NAB1: variants seen among roughly 807,000 people sequenced by gnomAD.
The protein encoded by NAB1 is NGFI-A-binding protein 1.
NAB1 carries 25 observed loss-of-function variants against 49.9 expected under a neutral mutation model. The ratio of observed to expected loss-of-function variants is 0.50; its 90% CI spans 0.37 to 0.70. NAB1 has a LOEUF of 0.70. Ranked by LOEUF, NAB1 falls within the 30% of genes least tolerant of loss-of-function variation. NAB1 has a pLI of 0.00. For synonymous variants in NAB1, 198 were observed against 215.6 expected (o/e 0.92, Z 0.71); for missense variants, 489 against 575.9 (o/e 0.85, Z 1.54).
Position 190,659,673 on chromosome 2 carries a change from C to T in NAB1, c.497C>T (p.Ala166Val). 1.2e-6 allele frequency: 2 copies of T among 1,613,812 alleles called. No homozygotes were observed. Among genetic ancestry groups the T allele is most frequent in the Non-Finnish European group, 1.7e-6 (2 of 1,180,010 alleles). The change falls in exon 4 of 10, where the codon GCC (alanine) becomes GTC (valine). Residue 166 changes from alanine to valine, a missense_variant. This residue lies in a region of NAB1 where 204 missense variants were observed against 220.9 expected (regional missense o/e 0.92). Transcript: ENST00000337386. The surrounding 1 kb of genome is among the most constrained non-coding windows in gnomAD (Gnocchi z 6.2). The part of the protein sequence containing the change: ...GESRLWQGHH[A>V]TESEHSLSPA... ...TCCAGACTCTGGCAAGGCCACCATG[C>T]CACTGAGAGCGAGCACAGCCTCTCC...
In NAB1 at chr2:190,673,353, A is replaced by C. The variant is rs1374027977; in HGVS notation, c.1005+201A>C. On this transcript the variant is annotated intron_variant, in intron 6 of 9. Coordinates refer to ENST00000337386, the MANE Select transcript of NAB1 (RefSeq NM_005966.4). ...TAATTTGAATTAGCAGACCAAGGAA[A>C]ATTTTTTTAAACTTTTTTTTCATGT... is the stretch of plus-strand genomic sequence containing the variant. 5.1e-6 allele frequency: 3 copies of C among 583,290 alleles called. No individual in the cohort carries two copies. The Admixed American group carries it at 9.1e-5, about 18-fold the overall frequency. 36.1% of individuals were successfully genotyped at this position (583,290 alleles called of 1,614,324 possible). A position where few individuals can be genotyped will look rare whatever the true frequency, so the allele number is the denominator to read the frequency against.
chr2:190,671,188 A>G (rs778758818), intron 5 of NAB1, among the ~76,000 whole-genome samples: 16 of 152,116 alleles, frequency 1.1e-4, no homozygotes, highest in Non-Finnish European at 1.8e-4. Flanking sequence ...GAGTAACTCT[A>G]AGTTTTTGTT....
In NAB1 at chr2:190,689,326, C is replaced by A. The variant is rs1695798144; in HGVS notation, c.1376-919C>A. Among the ~76,000 whole-genome samples the A allele has an allele frequency of 6.6e-6, 1 of 152,094 alleles. No homozygotes were observed. The highest frequency in any genetic ancestry group is 1.5e-5 in the Non-Finnish European group (1 of 68,008). ...TAGGAGGATTAAACAAGATAGTGTACCTGCATCGTACACTATCTATTCCAG... is the reference window on the plus strand; with the variant it reads ...TAGGAGGATTAAACAAGATAGTGTAACTGCATCGTACACTATCTATTCCAG... On this transcript the variant is annotated intron_variant, in intron 9 of 9. Coordinates refer to ENST00000337386, the MANE Select transcript of NAB1 (RefSeq NM_005966.4). The surrounding 1 kb of genome is among the most constrained non-coding windows in gnomAD (Gnocchi z 4.3).
chr2:190,659,166 CAT>C lies in NAB1; in HGVS notation c.-10_-9del. The C allele has an allele frequency of 1.9e-6, 3 of 1,592,152 alleles. No homozygotes were observed. The highest frequency in any genetic ancestry group is 2.6e-6 in the Non-Finnish European group (3 of 1,167,678). Reference sequence around the variant, plus strand: ...TTTTTTTTTTTTGGCAGGTTAAACCCATCCAGAGTAATGGCTGCGGCCTTACC... The same window carrying C: ...TTTTTTTTTTTTGGCAGGTTAAACCCCCAGAGTAATGGCTGCGGCCTTACC... On this transcript the variant is annotated 5_prime_UTR_variant, in exon 4 of 10. Transcript: ENST00000337386. The surrounding 1 kb of genome is among the most constrained non-coding windows in gnomAD (Gnocchi z 6.2).
Position 190,686,906 on chromosome 2 carries a change from A to C in NAB1, c.1259-295A>C, listed in dbSNP as rs1574482796. Among the ~76,000 whole-genome samples, 1 of 152,128 alleles carries C rather than the reference A, an allele frequency of 6.6e-6. No homozygotes were observed. The highest frequency in any genetic ancestry group is 1.9e-4 in the East Asian group (1 of 5,176). On this transcript the variant is annotated intron_variant, in intron 8 of 9. Transcript: ENST00000337386. This position sits in a 1 kb window ranked among gnomAD's most constrained non-coding sequence, Gnocchi z 5.5. ...GGTTGTTCTAGTAAGAAAATGCCTT[A>C]TAGAGGAGATGTATTATATGCCAAA...
rs1205294961 is a variant in NAB1 at position 190,651,535 on chromosome 2, C to T, written c.-197+1553C>T. 6.6e-6 allele frequency among the ~76,000 whole-genome samples: 1 copy of T among 152,044 alleles called. No individual in the cohort carries two copies. The highest frequency in any genetic ancestry group is 1.5e-5 in the Non-Finnish European group (1 of 67,994). Reference sequence around the variant, plus strand: ...ATTTAAAGTTCAGGTTGGATGAAAACAGAAGTATGTCAGTTTCTAAAGAAA... The same window carrying T: ...ATTTAAAGTTCAGGTTGGATGAAAATAGAAGTATGTCAGTTTCTAAAGAAA... On this transcript the variant is annotated intron_variant, in intron 2 of 9. Coordinates refer to ENST00000337386, the MANE Select transcript of NAB1 (RefSeq NM_005966.4). The surrounding 1 kb of genome is among the most constrained non-coding windows in gnomAD (Gnocchi z 4.3).
In NAB1 at chr2:190,684,939, T is replaced by TTA. The variant is rs1281478713; in HGVS notation, c.1096-537_1096-536insTA. On this transcript the variant is annotated intron_variant, in intron 7 of 9. Transcript: ENST00000337386. This position sits in a 1 kb window ranked among gnomAD's most constrained non-coding sequence, Gnocchi z 4.6. ...TCATGATGAAGGTAAAGATGCTTATTGGCACTGATGTTTTTCTGCATAATT... is the reference window on the plus strand; with the variant it reads ...TCATGATGAAGGTAAAGATGCTTATTTAGGCACTGATGTTTTTCTGCATAATT... 6.6e-6 allele frequency among the ~76,000 whole-genome samples: 1 copy of TTA among 152,242 alleles called. No homozygotes were observed. Among genetic ancestry groups the TTA allele is most frequent in the Non-Finnish European group, 1.5e-5 (1 of 68,040 alleles).
rs1463738672 is a variant in NAB1 at position 190,682,143 on chromosome 2, A to C, written c.1006-1595A>C. 6.6e-6 allele frequency among the ~76,000 whole-genome samples: 1 copy of C among 152,222 alleles called. No individual in the cohort carries two copies. Among genetic ancestry groups the C allele is most frequent in the Non-Finnish European group, 1.5e-5 (1 of 68,032 alleles). ...GGAATACCAAGTATAAAATGGAAGT[A>C]ATTTAAGTTGAAGTTTTATCCAGTG... On this transcript the variant is annotated intron_variant, in intron 6 of 9. Coordinates refer to ENST00000337386, the MANE Select transcript of NAB1 (RefSeq NM_005966.4). This position sits in a 1 kb window ranked among gnomAD's most constrained non-coding sequence, Gnocchi z 4.1.
At chr2:190,660,121 G>T in intron 4 of NAB1, 126 bp downstream of exon 4, 1 of 805,114 alleles carries the variant, frequency 1.2e-6, no homozygotes, top group Middle Eastern at 2.5e-4. Flanking sequence ...AAACATTGAG[G>T]TGTTAGCAAC....
chr2:190,660,001 A>G lies in NAB1; in HGVS notation c.819+6A>G. ...AACATCTCACACTTCATGAGGTACAAAGCCCGCGTTGTTCCTTCTGTGTGT... is the reference window on the plus strand; with the variant it reads ...AACATCTCACACTTCATGAGGTACAGAGCCCGCGTTGTTCCTTCTGTGTGT... On this transcript the variant is annotated splice_donor_region_variant and intron_variant, in intron 4 of 9. Transcript: ENST00000337386. The G allele has an allele frequency of 6.2e-7, 1 of 1,604,702 alleles. No homozygotes were observed. The highest frequency in any genetic ancestry group is 1.1e-5 in the South Asian group (1 of 90,494).
rs1190749559 is a variant in NAB1 at position 190,680,525 on chromosome 2, T to C, written c.1006-3213T>C. On this transcript the variant is annotated intron_variant, in intron 6 of 9. Transcript: ENST00000337386. This position sits in a 1 kb window ranked among gnomAD's most constrained non-coding sequence, Gnocchi z 5.2. ...CCATTTCCCTCCCTGGACTGTGTTG[T>C]CAGGAGCGCCTGAGGCATGGCCATC... 6.6e-6 allele frequency among the ~76,000 whole-genome samples: 1 copy of C among 152,216 alleles called. No individual in the cohort carries two copies. Among genetic ancestry groups the C allele is most frequent in the East Asian group, 1.9e-4 (1 of 5,196 alleles).
rs1451781736 is a variant in NAB1, at chr2:190,657,264, A to C, written c.-20+1111A>C. Among the ~76,000 whole-genome samples, 1 of 152,138 alleles carries C rather than the reference A, an allele frequency of 6.6e-6. No homozygotes were observed. Among genetic ancestry groups the C allele is most frequent in the Non-Finnish European group, 1.5e-5 (1 of 68,022 alleles). On this transcript the variant is annotated intron_variant, in intron 3 of 9. Coordinates refer to ENST00000337386, the MANE Select transcript of NAB1 (RefSeq NM_005966.4). This position sits in a 1 kb window ranked among gnomAD's most constrained non-coding sequence, Gnocchi z 4.4. ...GATAGATTCTCCCTGGAGTGGGAGG[A>C]CAGGCAGAGCCTCCTTTAGGTGATT... is the stretch of plus-strand genomic sequence containing the variant.
chr2:190,655,439 G>C (rs1255601046), intron 2 of NAB1, among the ~76,000 whole-genome samples: 1 of 152,108 alleles, frequency 6.6e-6, no homozygotes, highest in Non-Finnish European at 1.5e-5. Context: ...GAAAAGAGAT[G>C]TAATATAAAA....
rs1695825281 is a variant in NAB1, at chr2:190,689,811, T to C, written c.1376-434T>C. Among the ~76,000 whole-genome samples, 1 of 152,056 alleles carries C rather than the reference T, an allele frequency of 6.6e-6. No homozygotes were observed. The highest frequency in any genetic ancestry group is 1.5e-5 in the Non-Finnish European group (1 of 67,962). On this transcript the variant is annotated intron_variant, in intron 9 of 9. Transcript: ENST00000337386. This position sits in a 1 kb window ranked among gnomAD's most constrained non-coding sequence, Gnocchi z 4.3. ...AATATTTTAACCAGTAACAGTTATTTATGAATAATCAGCTTCCTTTTATAT... is the reference window on the plus strand; with the variant it reads ...AATATTTTAACCAGTAACAGTTATTCATGAATAATCAGCTTCCTTTTATAT...
rs1392177076 is a variant in NAB1 at position 190,686,546 on chromosome 2, C to T, written c.1259-655C>T. Among the ~76,000 whole-genome samples the T allele has an allele frequency of 6.6e-6, 1 of 152,118 alleles. No homozygotes were observed. ...AGTACTGGAAGAGAAGAAAGTTCTT[C>T]CTTTTAAAAATATTACAGGAACCTC... On this transcript the variant is annotated intron_variant, in intron 8 of 9. Transcript: ENST00000337386. This position sits in a 1 kb window ranked among gnomAD's most constrained non-coding sequence, Gnocchi z 5.5.
intron 6 of NAB1, among the ~76,000 whole-genome samples, chr2:190,681,913 G>C (rs908117791): frequency 2.0e-5 from 3 of 152,070 alleles, no homozygotes; most frequent in Non-Finnish European, 2.9e-5. Flanking sequence ...GGTTTTTAAG[G>C]ATTTGCCCTC....
rs2125914588 is a variant in NAB1, at chr2:190,691,937, C to T, written c.*1604C>T. 6.5e-6 allele frequency: 1 copy of T among 152,694 alleles called. No individual in the cohort carries two copies. The highest frequency in any genetic ancestry group is 1.9e-4 in the East Asian group (1 of 5,192). The allele number at this position is 152,694 out of a possible 1,614,324, so 9.5% of individuals were successfully genotyped here. A position where few individuals can be genotyped will look rare whatever the true frequency, so the allele number is the denominator to read the frequency against. On this transcript the variant is annotated 3_prime_UTR_variant, in exon 10 of 10. Coordinates refer to ENST00000337386, the MANE Select transcript of NAB1 (RefSeq NM_005966.4). The surrounding 1 kb of genome is among the most constrained non-coding windows in gnomAD (Gnocchi z 4.1). ...CATTTTAATTTGTAGAAGTACTTTA[C>T]AGTAGGAAACGCCAGTAAACAACTT...
At position 190,676,805 on chromosome 2, in the gene NAB1, A is replaced by G. The variant is rs538477882; in HGVS notation, c.1005+3653A>G. The G allele has an allele frequency of 7.2e-5, 11 of 152,340 alleles. No individual in the cohort carries two copies. The highest frequency in any genetic ancestry group is 5.2e-4 in the Admixed American group (8 of 15,302). The allele number at this position is 152,340 out of a possible 1,614,324, so 9.4% of individuals were successfully genotyped here. On this transcript the variant is annotated intron_variant, in intron 6 of 9. Coordinates refer to ENST00000337386, the MANE Select transcript of NAB1 (RefSeq NM_005966.4). This position sits in a 1 kb window ranked among gnomAD's most constrained non-coding sequence, Gnocchi z 4.6. ...TGAGACAAGTTTTTCTCTTTTTTCA[A>G]ATCTTTAAGTGTTCTAAAATCCTTT... is the stretch of plus-strand genomic sequence containing the variant.
rs1693731935 is a variant in NAB1, at chr2:190,652,764, A to G, written c.-197+2782A>G. Reference sequence around the variant, plus strand: ...AGGTAAATCACTGGAAGCTTGAAACACATACATGGGAGTTAGTACCTAGGC... The same window carrying G: ...AGGTAAATCACTGGAAGCTTGAAACGCATACATGGGAGTTAGTACCTAGGC... On this transcript the variant is annotated intron_variant, in intron 2 of 9. Transcript: ENST00000337386. This position sits in a 1 kb window ranked among gnomAD's most constrained non-coding sequence, Gnocchi z 4.2. Among the ~76,000 whole-genome samples the G allele has an allele frequency of 6.6e-6, 1 of 152,234 alleles. No individual in the cohort carries two copies. Among genetic ancestry groups the G allele is most frequent in the Non-Finnish European group, 1.5e-5 (1 of 68,034 alleles).
Sources: allele counts gnomAD v4.1 joint callset (sites outside exome capture counted in the v4.1 genomes callset), GRCh38; gene constraint gnomAD v4.1.1; regional missense constraint gnomAD v4.1.1; non-coding constraint Gnocchi (gnomAD v3.1); transcripts MANE v1.5; gene names NCBI Gene and HGNC (gene_info 2026-07-23, HGNC 2026-07-21).